Variants in WDR20 observed in about 807,000 individuals in gnomAD.
WDR20 encodes the protein WD repeat domain 20.
In WDR20, 3 loss-of-function variants were observed where a neutral mutation model predicts 38.7. The observed-to-expected ratio is 0.08, with a 90% CI of 0.04 to 0.20. The LOEUF (loss-of-function observed/expected upper bound fraction) is 0.20, where lower values mean the gene tolerates loss of function less well. Ranked by LOEUF, WDR20 falls within the 10% of genes least tolerant of loss-of-function variation. The pLI, the probability that WDR20 is intolerant of heterozygous loss-of-function variation, is 1.00. For missense variants in WDR20, 559 were observed against 727.7 expected (o/e 0.77, Z 2.67); for synonymous variants, 298 against 285.6 (o/e 1.04, Z -0.44).
downstream of WDR20, among the ~76,000 whole-genome samples, chr14:102,212,185 C>T (rs1369349232): frequency 6.6e-6 from 1 of 152,136 alleles, no homozygotes; most frequent in Non-Finnish European, 1.5e-5. Context: ...GTGTCTTTCT[C>T]CCCCCACCTC....
downstream of WDR20, among the ~76,000 whole-genome samples, chr14:102,217,688 C>T (rs1422392687): frequency 6.6e-6 from 1 of 152,234 alleles, no homozygotes; most frequent in Non-Finnish European, 1.5e-5. Flanking sequence ...GTGAATAAAC[C>T]ATGGCTGCTT....
chr14:102,202,546 AT>A (rs1002345155), intron 2 of WDR20, among the ~76,000 whole-genome samples: 6 of 151,038 alleles, frequency 4.0e-5, no homozygotes, highest in East Asian at 3.9e-4. Context: ...TGCCCAGCTA[AT>A]TTTTTTGTAT....
At position 102,163,627 on chromosome 14, in the gene WDR20, C is replaced by CA. The variant is rs58628061; in HGVS notation, c.249+23478dup. 1.2e-3 allele frequency among the ~76,000 whole-genome samples: 74 copies of CA among 62,794 alleles called. 6 individuals carry two copies. Among genetic ancestry groups the CA allele is most frequent in the Non-Finnish European group, 1.3e-3 (50 of 38,970 alleles). 41.2% of individuals were successfully genotyped at this position (62,794 alleles called of 152,430 possible). ...TGGGTGACAGAGCAAGACTCTGTCT[C>CA]AAAAAAAAAAAAAAAAAAAAAAATT... On this transcript the variant is annotated intron_variant, in intron 1 of 2. Coordinates refer to ENST00000342702, the MANE Select transcript of WDR20 (RefSeq NM_144574.4).
chr14:102,192,862 C>T, intron 1 of WDR20, among the ~76,000 whole-genome samples: 1 of 152,110 alleles, frequency 6.6e-6, no homozygotes, highest in Non-Finnish European at 1.5e-5. Flanking sequence ...GCCTGAAGTG[C>T]AGTGGTGCAA....
At chr14:102,217,189 T>C (rs2063319299), downstream of WDR20, among the ~76,000 whole-genome samples, 1 of 152,152 alleles carries the variant, frequency 6.6e-6, no homozygotes, top group South Asian at 2.1e-4. Flanking sequence ...CCCCACACAG[T>C]AGAGAGGATT....
intron 1 of WDR20, among the ~76,000 whole-genome samples, chr14:102,184,155 G>A (rs1415588530): frequency 6.6e-6 from 1 of 152,176 alleles, no homozygotes; most frequent in East Asian, 1.9e-4. Flanking sequence ...GTTAGTATGT[G>A]TGCAAATTGA....
intron 2 of WDR20, chr14:102,197,633 C>A: frequency 3.4e-6 from 2 of 588,952 alleles, no homozygotes; most frequent in Admixed American, 2.8e-5. Context: ...AAATTGGAAC[C>A]AGCTTGTCTT....
At chr14:102,217,780 G>A (rs1567099418), downstream of WDR20, among the ~76,000 whole-genome samples, 1 of 152,272 alleles carries the variant, frequency 6.6e-6, no homozygotes, top group Non-Finnish European at 1.5e-5. Flanking sequence ...CAGTTAAGGA[G>A]TGTGTTCAGA....
At position 102,222,142 on chromosome 14, in the gene WDR20, GC is replaced by G. The variant is rs1162780234; in HGVS notation, c.1693-682del. Among the ~76,000 whole-genome samples, 1 of 150,420 alleles carries G rather than the reference GC, an allele frequency of 6.6e-6. No individual in the cohort carries two copies. Among genetic ancestry groups the G allele is most frequent in the Non-Finnish European group, 1.5e-5 (1 of 67,764 alleles). On this transcript the variant is annotated intron_variant, in intron 3 of 3. Transcript: ENST00000335263. This position sits in a 1 kb window ranked among gnomAD's most constrained non-coding sequence, Gnocchi z 4.4. ...CAGGAGCCGCCCTAAAGAGCCAGAT[GC>G]CCCCCACCATTCTTCCTGCTGGCCC...
upstream of WDR20, chr14:102,139,805 C>T: frequency 6.9e-7 from 1 of 1,456,136 alleles, no homozygotes; most frequent in Non-Finnish European, 9.3e-7. Context: ...GGCTGGCCCG[C>T]GGGTGGGAGG....
intron 1 of WDR20, 22 bp downstream of exon 1, chr14:102,140,194 G>C (rs1361614296): frequency 6.2e-7 from 1 of 1,607,620 alleles, no homozygotes; most frequent in Admixed American, 1.7e-5. Flanking sequence ...GGCGTCACCG[G>C]AGCCAGCCAG....
intron 1 of WDR20, among the ~76,000 whole-genome samples, chr14:102,174,283 G>A (rs2061595847): frequency 6.6e-6 from 1 of 152,036 alleles, no homozygotes. Flanking sequence ...TGGATCAAAT[G>A]GAAGATCTAC....
upstream of WDR20, chr14:102,139,670 G>T (rs1485394850): frequency 2.0e-5 from 13 of 653,158 alleles, no homozygotes; most frequent in African/African-American, 5.5e-5. Context: ...CAGCCATGCC[G>T]CCCGGAGGCC....
In WDR20 at chr14:102,209,310, A is replaced by G; in HGVS notation, c.1140A>G (p.Leu380=). 2 of 1,614,198 alleles carry G rather than the reference A, an allele frequency of 1.2e-6. No individual in the cohort carries two copies. The highest frequency in any genetic ancestry group is 2.2e-5 in the South Asian group (2 of 91,088). Residue 380 remains leucine, a synonymous_variant, in exon 3 of 3, where the codon TTA becomes TTG. Transcript: ENST00000342702. The surrounding 1 kb of genome is among the most constrained non-coding windows in gnomAD (Gnocchi z 6.0). ...GSVGQDTQLC[L]WDLTEDILFP... is the part of the protein sequence containing the mutation. Reference sequence around the variant, plus strand: ...TGGGCCAGGACACACAGCTCTGTTTATGGGACCTTACAGAAGATATCCTTT... The same window carrying G: ...TGGGCCAGGACACACAGCTCTGTTTGTGGGACCTTACAGAAGATATCCTTT...
At chr14:102,140,615 T>C (rs1329343414) in intron 1 of WDR20, among the ~76,000 whole-genome samples, 1 of 152,090 alleles carries the variant, frequency 6.6e-6, no homozygotes, top group African/African-American at 2.4e-5. Flanking sequence ...AAGATCTCTG[T>C]AAGGCGGAAC....
chr14:102,192,405 C>G (rs964220091), intron 1 of WDR20, among the ~76,000 whole-genome samples: 1 of 152,138 alleles, frequency 6.6e-6, no homozygotes, highest in African/African-American at 2.4e-5. Flanking sequence ...TCTCAAACTC[C>G]TGACCTCAGG....
At chr14:102,145,113 A>G (rs542584040) in intron 1 of WDR20, among the ~76,000 whole-genome samples, 2 of 152,310 alleles carry the variant, frequency 1.3e-5, no homozygotes, top group East Asian at 1.9e-4. Flanking sequence ...CCTGCTCTCC[A>G]TCTTCTCAAT....
intron 1 of WDR20, among the ~76,000 whole-genome samples, chr14:102,169,954 G>A (rs1444345462): frequency 6.6e-6 from 1 of 152,148 alleles, no homozygotes; most frequent in Non-Finnish European, 1.5e-5. Context: ...ATGCAATGAA[G>A]TCTCTCACAC....
At chr14:102,159,102 C>T (rs1246465543) in intron 1 of WDR20, among the ~76,000 whole-genome samples, 1 of 151,958 alleles carries the variant, frequency 6.6e-6, no homozygotes, top group Non-Finnish European at 1.5e-5. Context: ...ACCACCACAC[C>T]CCTGGCTAAT....
Sources: allele counts gnomAD v4.1 joint callset (sites outside exome capture counted in the v4.1 genomes callset), GRCh38; gene constraint gnomAD v4.1.1; non-coding constraint Gnocchi (gnomAD v3.1); transcripts MANE v1.5; gene names NCBI Gene and HGNC (gene_info 2026-07-23, HGNC 2026-07-21).